The following KCNIP3 variants were observed in gnomAD, a reference collection of about 807,000 sequenced individuals.
KCNIP3 encodes potassium voltage-gated channel interacting protein 3, also known as calsenilin.
A neutral mutation model predicts 35.0 loss-of-function variants in KCNIP3; 28 were observed. The ratio of observed to expected loss-of-function variants is 0.80; its 90% CI spans 0.59 to 1.10. KCNIP3 has a LOEUF of 1.10. Among genes scored for constraint, KCNIP3 ranks in the 50% least tolerant of loss-of-function variants. The pLI is 0.00. For missense variants in KCNIP3, 295 were observed against 338.4 expected, an observed-to-expected ratio of 0.87 and a Z score of 1.01; for synonymous variants, 134 against 133.8, an observed-to-expected ratio of 1.00 and a Z score of -0.01.
intron 2 of KCNIP3, among the ~76,000 whole-genome samples, chr2:95,339,441 G>A (rs1679139213): frequency 6.6e-6 from 1 of 152,002 alleles, no homozygotes; most frequent in Admixed American, 6.6e-5. Context: ...AAAATTAGCT[G>A]GGCATGGTGG....
intron 5 of KCNIP3, among the ~76,000 whole-genome samples, 158 bp from the exon 6 acceptor site, chr2:95,381,438 C>G (rs1680337223): frequency 6.6e-6 from 1 of 152,186 alleles, no homozygotes; most frequent in Non-Finnish European, 1.5e-5. Flanking sequence ...CACACGGGCA[C>G]ACACTCACCC....
chr2:95,383,132 C>T (rs1295773546), intron 7 of KCNIP3, 100 bp from the exon 8 acceptor site: 1 of 653,850 alleles, frequency 1.5e-6, no homozygotes, highest in South Asian at 1.6e-5. Context: ...CATCCACCCA[C>T]CCGCCCATCC....
chr2:95,330,509 G>A (rs1210042174), intron 2 of KCNIP3, among the ~76,000 whole-genome samples: 3 of 152,144 alleles, frequency 2.0e-5, no homozygotes, highest in Admixed American at 6.5e-5. Context: ...GGCCCAGTCC[G>A]GGTCACACAT....
intron 2 of KCNIP3, among the ~76,000 whole-genome samples, chr2:95,331,711 T>A (rs985847753): frequency 1.3e-5 from 2 of 152,186 alleles, no homozygotes; most frequent in African/African-American, 2.4e-5. Flanking sequence ...TGTTCTGCCA[T>A]CGGTAGCCAC....
At chr2:95,320,510 C>T (rs555052340) in intron 2 of KCNIP3, among the ~76,000 whole-genome samples, 1 of 152,210 alleles carries the variant, frequency 6.6e-6, no homozygotes, top group Admixed American at 6.5e-5. Flanking sequence ...CCTGCCACCC[C>T]TCGGCCTGTC....
chr2:95,358,731 G>C (rs1244711559), intron 2 of KCNIP3, among the ~76,000 whole-genome samples: 2 of 152,348 alleles, frequency 1.3e-5, no homozygotes, highest in African/African-American at 4.8e-5. Flanking sequence ...GGGAGCAAGA[G>C]AGAGTAAGAG....
intron 2 of KCNIP3, among the ~76,000 whole-genome samples, chr2:95,317,258 G>A (rs1389292470): frequency 2.6e-5 from 4 of 152,202 alleles, no homozygotes; most frequent in African/African-American, 9.6e-5. Context: ...TCTGCAGTGA[G>A]ATCACACCCT....
chr2:95,359,815 C>G (rs1679745725), intron 2 of KCNIP3, among the ~76,000 whole-genome samples: 1 of 152,230 alleles, frequency 6.6e-6, no homozygotes. Flanking sequence ...CTGAGCCACA[C>G]CCAGGCCCAC....
chr2:95,313,220 T>C (rs1200326791), intron 2 of KCNIP3: 1 of 151,402 alleles, frequency 6.6e-6, no homozygotes, highest in Admixed American at 6.6e-5. Flanking sequence ...CAGCTGGGAG[T>C]GAAAGCCAAG....
At chr2:95,335,554 C>A (rs887746531) in intron 2 of KCNIP3, among the ~76,000 whole-genome samples, 1 of 152,166 alleles carries the variant, frequency 6.6e-6, no homozygotes, top group African/African-American at 2.4e-5. Context: ...TTTGACCATG[C>A]ACATGTCAGA....
chr2:95,320,132 C>T (rs758166277), intron 2 of KCNIP3, among the ~76,000 whole-genome samples: 19 of 152,082 alleles, frequency 1.2e-4, no homozygotes, highest in Non-Finnish European at 2.6e-4. Context: ...GGTGTGGACC[C>T]GGAGGCGCGG....
At chr2:95,329,936 C>T (rs1449434774) in intron 2 of KCNIP3, among the ~76,000 whole-genome samples, 5 of 152,234 alleles carry the variant, frequency 3.3e-5, no homozygotes, top group African/African-American at 1.2e-4. Flanking sequence ...CCTTCGCCCC[C>T]GCTCTGGTCC....
intron 2 of KCNIP3, among the ~76,000 whole-genome samples, chr2:95,317,739 G>T (rs543663305): frequency 6.6e-6 from 1 of 152,184 alleles, no homozygotes; most frequent in Non-Finnish European, 1.5e-5. Flanking sequence ...GCTGAGGAGA[G>T]GCTGGCAGAG....
At chr2:95,352,958 G>A (rs1195141029) in intron 2 of KCNIP3, among the ~76,000 whole-genome samples, 1 of 152,264 alleles carries the variant, frequency 6.6e-6, no homozygotes, top group African/African-American at 2.4e-5. Flanking sequence ...CTGTCAGGTT[G>A]TTGCTTCAGT....
At chr2:95,364,190 C>T (rs1679864241) in intron 2 of KCNIP3, among the ~76,000 whole-genome samples, 1 of 152,038 alleles carries the variant, frequency 6.6e-6, no homozygotes, top group Non-Finnish European at 1.5e-5. Context: ...AAAGAACTTC[C>T]CTTTGACTCC....
In KCNIP3 at chr2:95,377,186, A is replaced by G. The variant is rs1680223083; in HGVS notation, c.447+1978A>G. ...CTGGCCACCAGGGCCTTTCTCGTGC[A>G]ACTCATCTGGCTTGCCAGGACGTGC... On this transcript the variant is annotated intron_variant, in intron 5 of 8. Coordinates refer to ENST00000295225, the MANE Select transcript of KCNIP3 (RefSeq NM_013434.5). The surrounding 1 kb of genome is among the most constrained non-coding windows in gnomAD (Gnocchi z 4.7). 1.3e-5 allele frequency among the ~76,000 whole-genome samples: 2 copies of G among 152,234 alleles called. No individual in the cohort carries two copies. Among genetic ancestry groups the G allele is most frequent in the African/African-American group, 4.8e-5 (2 of 41,468 alleles).
At chr2:95,303,706 T>C (rs1256314610) in intron 1 of KCNIP3, among the ~76,000 whole-genome samples, 7 of 152,092 alleles carry the variant, frequency 4.6e-5, no homozygotes, top group Non-Finnish European at 1.0e-4. Context: ...CAGCTGCGAG[T>C]CCAGCTGGAC....
chr2:95,333,615 G>A (rs1406484717), intron 2 of KCNIP3, among the ~76,000 whole-genome samples: 3 of 152,208 alleles, frequency 2.0e-5, no homozygotes, highest in Non-Finnish European at 4.4e-5. Context: ...AGCCTCTGTT[G>A]GTTGCAATTG....
chr2:95,318,330 C>G (rs1678509076), intron 2 of KCNIP3, among the ~76,000 whole-genome samples: 1 of 152,210 alleles, frequency 6.6e-6, no homozygotes, highest in Non-Finnish European at 1.5e-5. Context: ...CCCTCCCCGT[C>G]TCCTTCCCTC....
Sources: allele counts gnomAD v4.1 joint callset (sites outside exome capture counted in the v4.1 genomes callset), GRCh38; gene constraint gnomAD v4.1.1; non-coding constraint Gnocchi (gnomAD v3.1); transcripts MANE v1.5; gene names NCBI Gene and HGNC (gene_info 2026-07-23, HGNC 2026-07-21).